PTPRD: variants seen among roughly 807,000 people sequenced by gnomAD.
PTPRD encodes the protein receptor-type tyrosine-protein phosphatase delta.
In PTPRD, 34 loss-of-function variants were observed where a neutral mutation model predicts 214.5. That is an observed-to-expected ratio of 0.16 (90% CI 0.12 to 0.21). The LOEUF (loss-of-function observed/expected upper bound fraction) is 0.21. PTPRD is among the 10% of genes least tolerant of loss of function. The pLI is 1.00. For missense variants in PTPRD, 2,545 were observed against 2,398.7 expected (o/e 1.06, Z -1.27); for synonymous variants, 1,128 against 845.7 (o/e 1.33, Z -5.79).
intron 3 of PTPRD, among the ~76,000 whole-genome samples, chr9:10,078,554 T>C (rs2098176450): frequency 6.9e-6 from 1 of 144,760 alleles, no homozygotes; most frequent in South Asian, 2.3e-4. Context: ...AACCCACCCA[T>C]ATAATCCTAT....
chr9:9,510,855 C>T (rs1322394857), intron 8 of PTPRD, among the ~76,000 whole-genome samples: 12 of 151,568 alleles, frequency 7.9e-5, no homozygotes, highest in African/African-American at 2.2e-4. Flanking sequence ...ACTCATTTTA[C>T]ATAATTGACA....
chr9:9,412,430 T>A (rs1473866966), intron 8 of PTPRD, among the ~76,000 whole-genome samples: 1 of 151,922 alleles, frequency 6.6e-6, no homozygotes, highest in Middle Eastern at 3.2e-3. Flanking sequence ...CTTCCCAGCA[T>A]GCAGCCCATA....
intron 21 of PTPRD, among the ~76,000 whole-genome samples, chr9:8,512,167 A>C (rs2097696003): frequency 1.3e-5 from 2 of 152,110 alleles, no homozygotes; most frequent in South Asian, 4.1e-4. Context: ...TGTATCTAGC[A>C]TATTGATAAA....
At chr9:9,761,910 A>G (rs758891949) in intron 6 of PTPRD, among the ~76,000 whole-genome samples, 1 of 152,216 alleles carries the variant, frequency 6.6e-6, no homozygotes, top group Non-Finnish European at 1.5e-5. Context: ...ATAATATTTT[A>G]ATATTCATTG....
chr9:8,824,812 C>G (rs1465055171), intron 11 of PTPRD, among the ~76,000 whole-genome samples: 1 of 151,984 alleles, frequency 6.6e-6, no homozygotes, highest in Non-Finnish European at 1.5e-5. Flanking sequence ...GCTGAAATTG[C>G]AGAAATAAGC....
At chr9:9,580,915 T>G (rs2154313713) in intron 7 of PTPRD, among the ~76,000 whole-genome samples, 1 of 152,152 alleles carries the variant, frequency 6.6e-6, no homozygotes, top group African/African-American at 2.4e-5. Context: ...CATTGTAAAT[T>G]CTGGATAAAC....
chr9:10,184,429 TATAAATAA>T (rs760678724), intron 3 of PTPRD, among the ~76,000 whole-genome samples: 22 of 151,792 alleles, frequency 1.4e-4, no homozygotes, highest in Non-Finnish European at 3.1e-4. Context: ...CATTAAAAAA[TATAAATAA>T]ATAAATAAAT....
intron 11 of PTPRD, among the ~76,000 whole-genome samples, chr9:8,864,037 A>G (rs891078415): frequency 6.6e-6 from 1 of 152,318 alleles, no homozygotes; most frequent in East Asian, 1.9e-4. Context: ...ACAGAGACCA[A>G]AAACTGATGA....
chr9:10,259,332 T>C (rs995706400), intron 3 of PTPRD, among the ~76,000 whole-genome samples: 4 of 152,120 alleles, frequency 2.6e-5, no homozygotes, highest in Admixed American at 6.5e-5. Flanking sequence ...CCGGTATCTG[T>C]TTCTTATGTG....
intron 8 of PTPRD, among the ~76,000 whole-genome samples, chr9:9,431,210 A>C (rs568519944): frequency 6.6e-6 from 1 of 151,526 alleles, no homozygotes; most frequent in Non-Finnish European, 1.5e-5. Context: ...TTTACAAGAA[A>C]AAATCAAACA....
At chr9:10,183,282 C>A (rs2099311384) in intron 3 of PTPRD, among the ~76,000 whole-genome samples, 1 of 152,024 alleles carries the variant, frequency 6.6e-6, no homozygotes, top group Admixed American at 6.5e-5. Flanking sequence ...TGATTGGGAA[C>A]AAGGCAGGAG....
At chr9:9,096,403 C>A (rs936099836) in intron 10 of PTPRD, among the ~76,000 whole-genome samples, 1 of 152,058 alleles carries the variant, frequency 6.6e-6, no homozygotes, top group South Asian at 2.1e-4. Flanking sequence ...GTCAATCTCA[C>A]GAATGGAATG....
rs778370224 is a variant in PTPRD, at chr9:8,492,889, G to A, written c.2440C>T (p.Pro814Ser). The A allele has an allele frequency of 4.3e-6, 7 of 1,613,750 alleles. No individual in the cohort carries two copies. The East Asian group carries it at 1.1e-4, about 26-fold the overall frequency. ...GCCCCAGTGGTGGACACCAGTTTGG[G>A]CTTGCTGCGAGCACCATCTCCTTTG... is the stretch of plus-strand genomic sequence containing the variant. ...TTKGDGARSK[P>S]KLVSTTGAVP... Residue 814 changes from proline to serine, a missense_variant, in exon 27 of 46, where the codon CCC (proline) becomes TCC (serine). Coordinates refer to ENST00000381196, the MANE Select transcript of PTPRD (RefSeq NM_002839.4).
chr9:10,060,567 T>C (rs953291168), intron 3 of PTPRD, among the ~76,000 whole-genome samples: 1 of 151,378 alleles, frequency 6.6e-6, no homozygotes, highest in East Asian at 1.9e-4. Context: ...TCAAAGTATT[T>C]TTTTAATGTA....
At chr9:10,463,035 G>T (rs373853059) in intron 2 of PTPRD, among the ~76,000 whole-genome samples, 3 of 150,808 alleles carry the variant, frequency 2.0e-5, no homozygotes, top group Non-Finnish European at 3.0e-5. Flanking sequence ...TCTGGGTGTG[G>T]TTATCACAAA....
intron 2 of PTPRD, among the ~76,000 whole-genome samples, chr9:10,513,694 G>C (rs1445806578): frequency 6.6e-6 from 1 of 152,140 alleles, no homozygotes; most frequent in Admixed American, 6.6e-5. Flanking sequence ...TGAATACTTT[G>C]AAAGTCAGGG....
chr9:10,014,556 T>G (rs997144968), intron 4 of PTPRD, among the ~76,000 whole-genome samples: 2 of 152,040 alleles, frequency 1.3e-5, no homozygotes, highest in Admixed American at 1.3e-4. Context: ...TACAAAATTA[T>G]ATTTTATTTA....
chr9:10,101,155 T>C (rs371393791), intron 3 of PTPRD, among the ~76,000 whole-genome samples: 3 of 151,548 alleles, frequency 2.0e-5, no homozygotes, highest in African/African-American at 7.3e-5. Context: ...GTGGGGCATA[T>C]GGGAAACTGC....
chr9:9,325,131 C>T (rs1162908104), intron 9 of PTPRD, among the ~76,000 whole-genome samples: 7 of 152,120 alleles, frequency 4.6e-5, no homozygotes, highest in South Asian at 2.1e-4. Context: ...AGCGTGATGC[C>T]TCCAGCTTTG....
Sources: allele counts gnomAD v4.1 joint callset (sites outside exome capture counted in the v4.1 genomes callset), GRCh38; gene constraint gnomAD v4.1.1; transcripts MANE v1.5; gene names NCBI Gene and HGNC (gene_info 2026-07-23, HGNC 2026-07-21).